Variants in DPP10 observed in about 807,000 individuals in gnomAD.
The protein encoded by DPP10 is inactive dipeptidyl peptidase 10.
A neutral mutation model predicts 120.9 loss-of-function variants in DPP10; 33 were observed. The observed-to-expected ratio is 0.27, with a 90% confidence interval of 0.21 to 0.37. DPP10 has a LOEUF of 0.37. DPP10 is among the 10% of genes least tolerant of loss of function. DPP10 has a pLI of 1.00. For synonymous variants in DPP10, 337 were observed against 326.1 expected (o/e 1.03, Z -0.36); for missense variants, 816 against 942.8 (o/e 0.87, Z 1.76).
intron 1 of DPP10, among the ~76,000 whole-genome samples, chr2:114,643,157 T>C (rs1695839704): frequency 6.6e-6 from 1 of 151,888 alleles, no homozygotes; most frequent in South Asian, 2.1e-4. Context: ...GAGAATTGCT[T>C]TTTCTTCACT....
intron 1 of DPP10, among the ~76,000 whole-genome samples, chr2:114,670,549 A>G (rs1197931916): frequency 6.6e-6 from 1 of 151,808 alleles, no homozygotes; most frequent in Non-Finnish European, 1.5e-5. Context: ...GGGAGTGGGG[A>G]GGGATAGCAT....
At chr2:115,651,410 C>T (rs937414144) in intron 5 of DPP10, among the ~76,000 whole-genome samples, 3 of 151,870 alleles carry the variant, frequency 2.0e-5, no homozygotes, top group Admixed American at 6.6e-5. Flanking sequence ...CCTCCTTTCC[C>T]GGCGCTGAAT....
chr2:114,506,500 C>T (rs1573518175), intron 1 of DPP10, among the ~76,000 whole-genome samples: 1 of 152,270 alleles, frequency 6.6e-6, no homozygotes, highest in East Asian at 1.9e-4. Context: ...TCACACTGAC[C>T]TTCCACTGAG....
chr2:114,820,623 A>C (rs1686007715), intron 1 of DPP10, among the ~76,000 whole-genome samples: 1 of 152,194 alleles, frequency 6.6e-6, no homozygotes, highest in Non-Finnish European at 1.5e-5. Flanking sequence ...GCACCACTTC[A>C]CAGGGCATCA....
chr2:114,455,666 A>G (rs1455312432), intron 1 of DPP10, among the ~76,000 whole-genome samples: 1 of 152,090 alleles, frequency 6.6e-6, no homozygotes, highest in Non-Finnish European at 1.5e-5. Flanking sequence ...TTCCATAATA[A>G]GAAGAAAATA....
At chr2:114,844,595 C>A (rs1688404333) in intron 1 of DPP10, among the ~76,000 whole-genome samples, 2 of 152,072 alleles carry the variant, frequency 1.3e-5, no homozygotes, top group South Asian at 2.1e-4. Flanking sequence ...CTACATGATT[C>A]TTTTAAGAAC....
At chr2:115,337,661 T>TAAAAA (rs11458121) in intron 2 of DPP10, among the ~76,000 whole-genome samples, 4 of 71,684 alleles carry the variant, frequency 5.6e-5, no homozygotes, top group Non-Finnish European at 7.5e-5. Context: ...AGGCTGCTCA[T>TAAAAA]AAAAAAAAAA....
intron 1 of DPP10, among the ~76,000 whole-genome samples, chr2:114,563,266 G>C (rs556765347): frequency 2.0e-5 from 3 of 151,960 alleles, no homozygotes; most frequent in African/African-American, 7.3e-5. Flanking sequence ...TAGCTACTTG[G>C]AAGGCTGAGA....
chr2:115,491,189 C>T (rs1404643050), intron 3 of DPP10, among the ~76,000 whole-genome samples: 3 of 152,042 alleles, frequency 2.0e-5, no homozygotes, highest in African/African-American at 7.2e-5. Context: ...AGAACTATTG[C>T]AATATAGAGA....
chr2:114,557,287 C>A (rs886848469), intron 1 of DPP10, among the ~76,000 whole-genome samples: 7 of 152,108 alleles, frequency 4.6e-5, no homozygotes, highest in Non-Finnish European at 8.8e-5. Context: ...AGTGAGCAAG[C>A]CATTTGCTCT....
At chr2:114,921,751 C>T (rs1695210973) in intron 1 of DPP10, among the ~76,000 whole-genome samples, 1 of 152,184 alleles carries the variant, frequency 6.6e-6, no homozygotes, top group Non-Finnish European at 1.5e-5. Flanking sequence ...CACATTACTG[C>T]AAAGATAATA....
chr2:114,942,352 T>C (rs1343112910), intron 1 of DPP10, among the ~76,000 whole-genome samples: 2 of 70,622 alleles, frequency 2.8e-5, no homozygotes, highest in Admixed American at 1.6e-4. Flanking sequence ...TATATATACA[T>C]ATATATATAC....
chr2:114,512,618 G>C (rs1684239313), intron 1 of DPP10, among the ~76,000 whole-genome samples: 1 of 152,178 alleles, frequency 6.6e-6, no homozygotes, highest in Admixed American at 6.5e-5. Context: ...TCCCTCTCCT[G>C]GCACAATGCT....
At chr2:115,830,637 A>G (rs1334892255) in intron 21 of DPP10, among the ~76,000 whole-genome samples, 1 of 152,186 alleles carries the variant, frequency 6.6e-6, no homozygotes, top group African/African-American at 2.4e-5. Flanking sequence ...TTGGTGAAAT[A>G]CATAAAATGT....
At chr2:115,051,044 A>C (rs1355148034) in intron 1 of DPP10, among the ~76,000 whole-genome samples, 1 of 152,226 alleles carries the variant, frequency 6.6e-6, no homozygotes, top group African/African-American at 2.4e-5. Context: ...CATGCTTGCT[A>C]CATTATAATT....
chr2:114,800,243 AAGAT>A (rs1031452692), intron 1 of DPP10, among the ~76,000 whole-genome samples: 44 of 152,372 alleles, frequency 2.9e-4, no homozygotes, highest in African/African-American at 1.0e-3. Flanking sequence ...GTGGGATTAA[AAGAT>A]AGTCATTAAT....
At chr2:115,257,778 C>T (rs2059070292) in intron 1 of DPP10, among the ~76,000 whole-genome samples, 2 of 152,140 alleles carry the variant, frequency 1.3e-5, no homozygotes, top group South Asian at 4.1e-4. Context: ...TTAGTCCATT[C>T]ATATAACATA....
At chr2:114,467,059 C>A (rs1160623549) in intron 1 of DPP10, among the ~76,000 whole-genome samples, 1 of 150,958 alleles carries the variant, frequency 6.6e-6, no homozygotes, top group Non-Finnish European at 1.5e-5. Flanking sequence ...AAAAGGAAAC[C>A]TTTAGTGACT....
intron 1 of DPP10, among the ~76,000 whole-genome samples, chr2:114,828,011 C>CATTT (rs57922073): frequency 6.6e-6 from 1 of 152,136 alleles, no homozygotes; most frequent in Non-Finnish European, 1.5e-5. Flanking sequence ...AAAAAAACAG[C>CATTT]ATTTATTTAT....
Sources: allele counts gnomAD v4.1 joint callset (sites outside exome capture counted in the v4.1 genomes callset), GRCh38; gene constraint gnomAD v4.1.1; transcripts MANE v1.5; gene names NCBI Gene and HGNC (gene_info 2026-07-23, HGNC 2026-07-21).